Variants in DPP6 observed in about 807,000 individuals in gnomAD.
DPP6 encodes dipeptidyl peptidase like 6.
Under a neutral mutation model 122.6 loss-of-function variants are expected in DPP6, and 69 were observed. The ratio of observed to expected loss-of-function variants is 0.56; its 90% CI spans 0.46 to 0.69. DPP6 has a LOEUF of 0.69. Ranked by LOEUF, DPP6 falls within the 30% of genes least tolerant of loss-of-function variation. The probability of loss-of-function intolerance (pLI) is 0.00; values close to 1 mark genes in which losing one functional copy is unlikely to be tolerated. For synonymous variants in DPP6, 418 were observed against 433.1 expected (o/e 0.97, Z 0.43); for missense variants, 928 against 1,116.9 (o/e 0.83, Z 2.41).
intron 1 of DPP6, among the ~76,000 whole-genome samples, chr7:154,090,989 C>T (rs1444455909): frequency 2.0e-5 from 3 of 150,814 alleles, no homozygotes; most frequent in Non-Finnish European, 4.4e-5. Context: ...GGCGTGGTGG[C>T]GGGTGCCTGT....
chr7:154,734,353 T>C lies in DPP6; in HGVS notation c.883+6466T>C, dbSNP rs141662421. 5.9e-5 allele frequency among the ~76,000 whole-genome samples: 9 copies of C among 152,328 alleles called. No individual in the cohort carries two copies. In the East Asian group the frequency reaches 1.2e-3, roughly 20 times the overall value. Reference sequence around the variant, plus strand: ...GTGCTTACAGAAGCCCCCTGGAGTGTAGATTCTTGATTGGGTTCTGCAAAT... The same window carrying C: ...GTGCTTACAGAAGCCCCCTGGAGTGCAGATTCTTGATTGGGTTCTGCAAAT... On this transcript the variant is annotated intron_variant, in intron 8 of 25. Coordinates refer to ENST00000377770, the MANE Select transcript of DPP6 (RefSeq NM_130797.4).
the DPP6 span, among the ~76,000 whole-genome samples, chr7:153,856,426 A>G: frequency 2.6e-5 from 4 of 152,352 alleles, no homozygotes; most frequent in South Asian, 8.3e-4. Flanking sequence ...TAAGAGGAGA[A>G]AATATTCAGA....
At chr7:154,440,018 C>T (rs1047860472) in intron 1 of DPP6, among the ~76,000 whole-genome samples, 2 of 152,136 alleles carry the variant, frequency 1.3e-5, no homozygotes, top group Admixed American at 6.5e-5. Context: ...AGAGGGGCAC[C>T]CGCAGGTTTG....
At position 154,438,368 on chromosome 7, in the gene DPP6, G is replaced by T. The variant is rs181204625; in HGVS notation, c.244-7846G>T. ...GCCTGTAGTCCCAGCTACTCAGGAG[G>T]CTGAGTCAGGAGAACGGCGTGAACC... On this transcript the variant is annotated intron_variant, in intron 1 of 25. Transcript: ENST00000377770. Among the ~76,000 whole-genome samples the T allele has an allele frequency of 8.8e-5, 13 of 148,500 alleles. No individual in the cohort carries two copies. The East Asian group carries it at 2.5e-3, about 28-fold the overall frequency.
chr7:154,446,649 C>A (rs1426722110), intron 2 of DPP6, among the ~76,000 whole-genome samples: 1 of 152,100 alleles, frequency 6.6e-6, no homozygotes, highest in East Asian at 1.9e-4. Flanking sequence ...AATTCCTGGA[C>A]ATTATATCAA....
rs1041565982 is a variant in DPP6 at position 154,180,425 on chromosome 7, TATATA to T, written c.243+127368_243+127372del. On this transcript the variant is annotated intron_variant, in intron 1 of 25. Transcript: ENST00000377770. ...TATAAATATATATATCTATATATAA[TATATA>T]ATATATATACACATTTATATATTAT... Among the ~76,000 whole-genome samples the T allele has an allele frequency of 3.9e-3, 566 of 145,562 alleles. 5 individuals carry two copies. The highest frequency in any genetic ancestry group is 0.011 in the African/African-American group (458 of 40,034).
chr7:153,889,972 C>CT (rs1799116262), intron 1 of DPP6, among the ~76,000 whole-genome samples: 2 of 152,282 alleles, frequency 1.3e-5, no homozygotes, highest in South Asian at 4.1e-4. Context: ...TAGGACTTAC[C>CT]CATGCCTAAT....
At chr7:154,471,870 G>T (rs977644955) in intron 2 of DPP6, among the ~76,000 whole-genome samples, 1 of 152,086 alleles carries the variant, frequency 6.6e-6, no homozygotes, top group Non-Finnish European at 1.5e-5. Context: ...CTTGAAAAAA[G>T]TTATTTAGAT....
chr7:154,623,766 TTATC>T (rs1256494609), intron 5 of DPP6, among the ~76,000 whole-genome samples: 3 of 152,230 alleles, frequency 2.0e-5, no homozygotes, highest in Non-Finnish European at 4.4e-5. Flanking sequence ...AATTGGGATT[TTATC>T]TACCAATATT....
At chr7:154,229,856 A>C (rs553586306) in intron 1 of DPP6, among the ~76,000 whole-genome samples, 1 of 152,190 alleles carries the variant, frequency 6.6e-6, no homozygotes, top group Non-Finnish European at 1.5e-5. Flanking sequence ...ACAAATTAGT[A>C]CAAGCTTATT....
At chr7:154,371,146 GGTGGGCGGATCGCTTGAGGTTA>G (rs1172735699) in intron 1 of DPP6, among the ~76,000 whole-genome samples, 1 of 152,090 alleles carries the variant, frequency 6.6e-6, no homozygotes, top group African/African-American at 2.4e-5. Flanking sequence ...GGGAGGCTGA[GGTGGGCGGATCGCTTGAGGTTA>G]GGAGTTTAAG....
At chr7:154,003,287 C>G (rs1162640473) in intron 1 of DPP6, among the ~76,000 whole-genome samples, 2 of 152,148 alleles carry the variant, frequency 1.3e-5, no homozygotes, top group Non-Finnish European at 2.9e-5. Flanking sequence ...GTTTATGAAT[C>G]TTCACTAATG....
intron 8 of DPP6, among the ~76,000 whole-genome samples, chr7:154,766,667 G>A (rs574778837): frequency 7.7e-4 from 117 of 152,352 alleles, no homozygotes; most frequent in Non-Finnish European, 1.5e-3. Context: ...TCTCTGAAGA[G>A]TGAATTGAGC....
chr7:153,861,176 A>C, the DPP6 span, among the ~76,000 whole-genome samples: 1 of 152,246 alleles, frequency 6.6e-6, no homozygotes, highest in Admixed American at 6.5e-5. Context: ...CTTTAATATA[A>C]ATTTAAGGCA....
intron 1 of DPP6, among the ~76,000 whole-genome samples, chr7:154,096,568 CTA>C (rs1287851897): frequency 6.6e-6 from 1 of 151,730 alleles, no homozygotes; most frequent in East Asian, 1.9e-4. Context: ...GGTATTTGTG[CTA>C]TGTCTGCATA....
intron 1 of DPP6, among the ~76,000 whole-genome samples, chr7:153,960,342 T>A (rs1295219204): frequency 2.6e-5 from 4 of 152,144 alleles, no homozygotes; most frequent in African/African-American, 7.2e-5. Context: ...TGTGTACGCA[T>A]AATTTTATAA....
At chr7:154,417,212 C>T (rs1055222199) in intron 1 of DPP6, among the ~76,000 whole-genome samples, 4 of 152,158 alleles carry the variant, frequency 2.6e-5, no homozygotes, top group Non-Finnish European at 1.5e-5. Context: ...AAGACTGACT[C>T]GCTGACATGG....
In DPP6 at chr7:154,301,786, CTTTTTTT is replaced by C. The variant is rs869114137; in HGVS notation, c.244-144407_244-144401del. On this transcript the variant is annotated intron_variant, in intron 1 of 25. Coordinates refer to ENST00000377770, the MANE Select transcript of DPP6 (RefSeq NM_130797.4). ...GAACACTTAATACAAGATCTGCCCT[CTTTTTTT>C]TTTTTTTTTTTTTTTTTTTTGTTGG... 6.7e-5 allele frequency among the ~76,000 whole-genome samples: 8 copies of C among 119,836 alleles called. No individual in the cohort carries two copies. The East Asian group carries it at 7.4e-4, about 11-fold the overall frequency. 78.6% of individuals were successfully genotyped at this position (119,836 alleles called of 152,430 possible). A position where few individuals can be genotyped will look rare whatever the true frequency, so the allele number is the denominator to read the frequency against.
At chr7:153,813,135 C>T in the DPP6 span, among the ~76,000 whole-genome samples, 2 of 151,890 alleles carry the variant, frequency 1.3e-5, no homozygotes, top group African/African-American at 2.4e-5. Flanking sequence ...CGTCATTTAG[C>T]ATTAGGTATA....
Sources: gnomAD v4.1 joint callset for allele counts (sites outside exome capture counted in the v4.1 genomes callset) on GRCh38, gnomAD v4.1.1 for gene constraint, MANE v1.5 for transcripts, NCBI Gene and HGNC (gene_info 2026-07-23, HGNC 2026-07-21) for gene names.